The following FER1L6 variants were observed in gnomAD, a reference collection of about 807,000 sequenced individuals.
The protein encoded by FER1L6 is fer-1-like protein 6.
In FER1L6, 177 loss-of-function variants were observed where a neutral mutation model predicts 219.2. The ratio of observed to expected loss-of-function variants is 0.81; its 90% CI spans 0.71 to 0.91. The LOEUF (loss-of-function observed/expected upper bound fraction) is 0.91. Among genes scored for constraint, FER1L6 ranks in the 40% least tolerant of loss-of-function variants. FER1L6 has a pLI of 0.00. For missense variants in FER1L6, 2,153 were observed against 2,259.9 expected (o/e 0.95, Z 0.96); for synonymous variants, 768 against 824.3 (o/e 0.93, Z 1.17).
intron 18 of FER1L6, among the ~76,000 whole-genome samples, chr8:124,025,969 G>A (rs891965260): frequency 5.3e-5 from 8 of 152,084 alleles, no homozygotes; most frequent in African/African-American, 1.7e-4. Context: ...ATTAGAAGAA[G>A]GACAGAACAG....
At chr8:123,870,414 G>A (rs1407980938) in intron 1 of FER1L6, among the ~76,000 whole-genome samples, 1 of 152,120 alleles carries the variant, frequency 6.6e-6, no homozygotes, top group Non-Finnish European at 1.5e-5. Flanking sequence ...CTTTCAATAG[G>A]TGAGTGGATA....
At position 124,119,803 on chromosome 8, in the gene FER1L6, G is replaced by T; in HGVS notation, c.*13G>T. On this transcript the variant is annotated 3_prime_UTR_variant, in exon 41 of 41. Coordinates refer to ENST00000522917, the MANE Select transcript of FER1L6 (RefSeq NM_001039112.2). ...TGTGGGCTCATAGAGGATCATGGAGGACCCAGATCCTCGCCATATACTAAT... is the reference window on the plus strand; with the variant it reads ...TGTGGGCTCATAGAGGATCATGGAGTACCCAGATCCTCGCCATATACTAAT... 1 of 1,612,346 alleles carries T rather than the reference G, an allele frequency of 6.2e-7. No individual in the cohort carries two copies. The highest frequency in any genetic ancestry group is 1.3e-5 in the African/African-American group (1 of 74,968).
chr8:123,965,596 CTGTG>C (rs1815501422), intron 3 of FER1L6, among the ~76,000 whole-genome samples: 1 of 152,100 alleles, frequency 6.6e-6, no homozygotes, highest in Non-Finnish European at 1.5e-5. Flanking sequence ...CAGAATGGTC[CTGTG>C]TATGGAATCA....
chr8:124,078,299 G>A (rs188885998), intron 32 of FER1L6, among the ~76,000 whole-genome samples: 26 of 152,300 alleles, frequency 1.7e-4, no homozygotes, highest in Non-Finnish European at 1.6e-4. Flanking sequence ...ATGCATGTCT[G>A]TAGGCTTTGA....
intron 7 of FER1L6, among the ~76,000 whole-genome samples, chr8:123,974,129 G>A (rs1815944109): frequency 6.6e-6 from 1 of 152,198 alleles, no homozygotes; most frequent in South Asian, 2.1e-4. Context: ...AAAAGAGCCA[G>A]CACAGATCTT....
intron 39 of FER1L6, among the ~76,000 whole-genome samples, 180 bp downstream of exon 39, chr8:124,103,489 T>C (rs1822631642): frequency 6.6e-6 from 1 of 152,232 alleles, no homozygotes; most frequent in South Asian, 2.1e-4. Context: ...GACTTAGCTA[T>C]CTATGTTGAG....
rs138736013 is a variant in FER1L6, at chr8:124,052,890, T to C, written c.2874+3134T>C. Among the ~76,000 whole-genome samples the C allele has an allele frequency of 7.9e-3, 1,207 of 152,306 alleles. 18 individuals carry two copies. Among genetic ancestry groups the C allele is most frequent in the South Asian group, 0.018 (88 of 4,818 alleles). Reference sequence around the variant, plus strand: ...GTTTTCTTTTTAAAGTGACTTTCCATTTCTGTCAAGTAGTACTTGTTTTAC... The same window carrying C: ...GTTTTCTTTTTAAAGTGACTTTCCACTTCTGTCAAGTAGTACTTGTTTTAC... On this transcript the variant is annotated intron_variant, in intron 22 of 40. Coordinates refer to ENST00000522917, the MANE Select transcript of FER1L6 (RefSeq NM_001039112.2).
chr8:124,068,439 A>C (rs925164676), intron 28 of FER1L6, among the ~76,000 whole-genome samples: 4 of 152,194 alleles, frequency 2.6e-5, no homozygotes, highest in African/African-American at 4.8e-5. Context: ...GAGGTCAAGT[A>C]ATCTGTCCAA....
chr8:124,040,570 T>C (rs1441690672), intron 20 of FER1L6: 1 of 154,964 alleles, frequency 6.5e-6, no homozygotes, highest in Non-Finnish European at 1.4e-5. Context: ...TAGCATTGCT[T>C]ATAACAGAAT....
At chr8:124,055,153 T>C (rs1820227376) in intron 22 of FER1L6, among the ~76,000 whole-genome samples, 1 of 152,142 alleles carries the variant, frequency 6.6e-6, no homozygotes, top group Non-Finnish European at 1.5e-5. Context: ...CAGTAAAATA[T>C]TTTGTCTGAG....
chr8:123,992,299 G>A (rs1816897805), intron 12 of FER1L6, among the ~76,000 whole-genome samples: 1 of 151,980 alleles, frequency 6.6e-6, no homozygotes, highest in African/African-American at 2.4e-5. Context: ...TGAATGTCTG[G>A]TAGAATTCAG....
chr8:124,000,014 A>G (rs1020751009), intron 12 of FER1L6, among the ~76,000 whole-genome samples: 10 of 152,220 alleles, frequency 6.6e-5, no homozygotes, highest in African/African-American at 1.9e-4. Flanking sequence ...TTAGGACCAC[A>G]GAGCACCTCA....
chr8:124,045,038 T>C (rs1819666785), intron 20 of FER1L6, among the ~76,000 whole-genome samples: 1 of 152,198 alleles, frequency 6.6e-6, no homozygotes, highest in Non-Finnish European at 1.5e-5. Context: ...TGAGAGCAGT[T>C]TTGAAAACCT....
At chr8:124,049,213 A>G (rs578045308) in intron 21 of FER1L6, among the ~76,000 whole-genome samples, 1 of 152,060 alleles carries the variant, frequency 6.6e-6, no homozygotes, top group Non-Finnish European at 1.5e-5. Flanking sequence ...ATGCCCAACT[A>G]ATTTTTGTAT....
intron 3 of FER1L6, 46 bp from the exon 4 acceptor site, chr8:123,965,961 A>G (rs1563712706): frequency 6.8e-7 from 1 of 1,480,244 alleles, no homozygotes; most frequent in Non-Finnish European, 9.4e-7. Flanking sequence ...TGACTTATGG[A>G]TATTCTTCCT....
intron 1 of FER1L6, among the ~76,000 whole-genome samples, chr8:123,858,241 A>G (rs1053573415): frequency 2.6e-5 from 4 of 152,322 alleles, no homozygotes; most frequent in South Asian, 4.1e-4. Flanking sequence ...CCTCCTAGAC[A>G]GTTCTGGAGA....
chr8:124,049,324 G>A (rs1444943338), intron 21 of FER1L6, among the ~76,000 whole-genome samples: 1 of 152,094 alleles, frequency 6.6e-6, no homozygotes, highest in Non-Finnish European at 1.5e-5. Flanking sequence ...GGGATTACAG[G>A]CCTGAGCTAC....
chr8:123,885,601 T>C (rs964365479), intron 1 of FER1L6, among the ~76,000 whole-genome samples: 1 of 152,240 alleles, frequency 6.6e-6, no homozygotes, highest in African/African-American at 2.4e-5. Flanking sequence ...GTATTATTAC[T>C]ATTTCACAGA....
intron 39 of FER1L6, among the ~76,000 whole-genome samples, chr8:124,105,524 G>C (rs1047837695): frequency 7.9e-5 from 12 of 152,156 alleles, no homozygotes; most frequent in African/African-American, 1.2e-4. Context: ...AGGCAGAGAT[G>C]TAAGAAAAAA....
Sources: gnomAD v4.1 joint callset for allele counts (sites outside exome capture counted in the v4.1 genomes callset) on GRCh38, gnomAD v4.1.1 for gene constraint, MANE v1.5 for transcripts, NCBI Gene and HGNC (gene_info 2026-07-23, HGNC 2026-07-21) for gene names.